Variants in TRAF3 observed in about 807,000 individuals in gnomAD.
TRAF3 encodes the protein TNF receptor-associated factor 3.
TRAF3 carries 13 observed loss-of-function variants against 62.3 expected under a neutral mutation model. The ratio of observed to expected loss-of-function variants is 0.21; its 90% CI spans 0.14 to 0.33. The LOEUF (loss-of-function observed/expected upper bound fraction) is 0.33. TRAF3 is among the 10% of genes least tolerant of loss of function. TRAF3 has a pLI of 1.00. For missense variants in TRAF3, 440 were observed against 741.8 expected (o/e 0.59, Z 4.73); for synonymous variants, 269 against 283.4 (o/e 0.95, Z 0.51).
chr14:102,795,881 A>G (rs1314397622), intron 1 of TRAF3, among the ~76,000 whole-genome samples: 2 of 152,182 alleles, frequency 1.3e-5, no homozygotes, highest in Non-Finnish European at 2.9e-5. Context: ...AAACATTTCT[A>G]GATGATTGTA....
At chr14:102,824,613 G>A (rs894140555) in intron 1 of TRAF3, among the ~76,000 whole-genome samples, 2 of 152,212 alleles carry the variant, frequency 1.3e-5, no homozygotes, top group African/African-American at 4.8e-5. Flanking sequence ...AGATAGTAGG[G>A]TTGCCCTTTA....
chr14:102,890,666 A>G (rs1262340124), intron 8 of TRAF3, among the ~76,000 whole-genome samples: 1 of 152,244 alleles, frequency 6.6e-6, no homozygotes, highest in African/African-American at 2.4e-5. Flanking sequence ...TATATTTCAG[A>G]CAAATTATTT....
chr14:102,870,345 G>T lies in TRAF3; in HGVS notation c.144G>T (p.Glu48Asp). ...AGGAAAAGTTTGTGAAGACCGTGGAGGACAAGTACAAGTGTGAGAAGTGCC... is the reference window on the plus strand; with the variant it reads ...AGGAAAAGTTTGTGAAGACCGTGGATGACAAGTACAAGTGTGAGAAGTGCC... Reference protein sequence around the residue: ...GYKEKFVKTVEDKYKCEKCHL... With the variant: ...GYKEKFVKTVDDKYKCEKCHL... Residue 48 changes from glutamate (E) to aspartate (D), a missense_variant, in exon 3 of 12, where the codon GAG becomes GAT. Physicochemically the swap from Glu to Asp is conservative, Grantham distance 45 (BLOSUM62 2). Transcript: ENST00000392745. The T allele has an allele frequency of 6.2e-7, 1 of 1,614,232 alleles. No homozygotes were observed. The highest frequency in any genetic ancestry group is 1.1e-5 in the South Asian group (1 of 91,090).
At chr14:102,814,320 G>GTCGTACCA (rs1899382221) in intron 1 of TRAF3, among the ~76,000 whole-genome samples, 1 of 151,892 alleles carries the variant, frequency 6.6e-6, no homozygotes, top group African/African-American at 2.4e-5. Context: ...GACCAGTACC[G>GTCGTACCA]TGTCGTTTTG....
intron 2 of TRAF3, among the ~76,000 whole-genome samples, chr14:102,857,395 T>C (rs1379680682): frequency 6.6e-6 from 1 of 152,238 alleles, no homozygotes; most frequent in African/African-American, 2.4e-5. Context: ...CTGATTTGCT[T>C]TATTATACTT....
chr14:102,817,350 G>A (rs1899598953), intron 1 of TRAF3, among the ~76,000 whole-genome samples: 1 of 152,092 alleles, frequency 6.6e-6, no homozygotes, highest in Non-Finnish European at 1.5e-5. Flanking sequence ...GGGGAGAATG[G>A]GATGTGTGTG....
chr14:102,784,618 G>C (rs1897409265), intron 1 of TRAF3, among the ~76,000 whole-genome samples: 1 of 152,154 alleles, frequency 6.6e-6, no homozygotes, highest in Non-Finnish European at 1.5e-5. Flanking sequence ...GGCTATGCTC[G>C]TTGCTAAAGC....
At chr14:102,877,076 G>A (rs577694121) in intron 6 of TRAF3, among the ~76,000 whole-genome samples, 16 of 144,290 alleles carry the variant, frequency 1.1e-4, no homozygotes, top group Admixed American at 2.1e-4. Context: ...TAGATAATCC[G>A]TTCCACAGAC....
At chr14:102,825,373 AATTG>A (rs1264070752) in intron 1 of TRAF3, among the ~76,000 whole-genome samples, 1 of 152,126 alleles carries the variant, frequency 6.6e-6, no homozygotes, top group African/African-American at 2.4e-5. Flanking sequence ...CAGATGGTCG[AATTG>A]AGAGGCAGTT....
At chr14:102,819,819 T>A (rs1450410464) in intron 1 of TRAF3, among the ~76,000 whole-genome samples, 1 of 152,214 alleles carries the variant, frequency 6.6e-6, no homozygotes, top group Non-Finnish European at 1.5e-5. Flanking sequence ...ATATTCACAC[T>A]AAGTGGGACA....
At chr14:102,863,499 A>G (rs147297419) in intron 2 of TRAF3, among the ~76,000 whole-genome samples, 2,825 of 152,288 alleles carry the variant, frequency 0.019, 37 homozygotes, top group Non-Finnish European at 0.031. Context: ...CAGGCATTTG[A>G]CGGTGATCCC....
chr14:102,891,210 G>A lies in TRAF3; in HGVS notation c.727-115G>A, dbSNP rs1025655761. On this transcript the variant is annotated intron_variant, in intron 8 of 11. Transcript: ENST00000392745. Reference sequence around the variant, plus strand: ...CGCAGAGATTCCCTGTTCACTTGACGCAAATAGGTCTCCCCTCTTTGTGTT... The same window carrying A: ...CGCAGAGATTCCCTGTTCACTTGACACAAATAGGTCTCCCCTCTTTGTGTT... 8.5e-5 allele frequency: 83 copies of A among 971,868 alleles called. No homozygotes were observed. In the South Asian group the frequency reaches 1.0e-3, roughly 12 times the overall value. The allele number at this position is 971,868 out of a possible 1,614,324, so 60.2% of individuals were successfully genotyped here. A position where few individuals can be genotyped will look rare whatever the true frequency, so the allele number is the denominator to read the frequency against.
chr14:102,872,790 C>A (rs1284610423), intron 4 of TRAF3, among the ~76,000 whole-genome samples: 1 of 151,844 alleles, frequency 6.6e-6, no homozygotes, highest in Non-Finnish European at 1.5e-5. Context: ...CTCCCAGGTT[C>A]AAGCAATTCT....
chr14:102,819,483 A>G (rs143880632), intron 1 of TRAF3, among the ~76,000 whole-genome samples: 1 of 152,340 alleles, frequency 6.6e-6, no homozygotes, highest in East Asian at 1.9e-4. Context: ...ATGTGTGCAC[A>G]TCGCTCAGCA....
chr14:102,778,867 C>T (rs1048390371), intron 1 of TRAF3, among the ~76,000 whole-genome samples: 2 of 152,162 alleles, frequency 1.3e-5, no homozygotes, highest in African/African-American at 4.8e-5. Flanking sequence ...ATGTCTCTCA[C>T]GTCTTTGAAA....
At position 102,903,222 on chromosome 14, in the gene TRAF3, G is replaced by T. The variant is rs1475268292; in HGVS notation, c.961-33G>T. The T allele has an allele frequency of 6.2e-7, 1 of 1,614,128 alleles. No homozygotes were observed. The highest frequency in any genetic ancestry group is 8.5e-7 in the Non-Finnish European group (1 of 1,179,996). ...GTGCAGCATTTTCCGAGTCCTAACT[G>T]TGTTTTGCTTTTTAACACCTTTGGT... On this transcript the variant is annotated intron_variant, in intron 10 of 11. Transcript: ENST00000392745. The surrounding 1 kb of genome is among the most constrained non-coding windows in gnomAD (Gnocchi z 6.4).
intron 1 of TRAF3, among the ~76,000 whole-genome samples, chr14:102,781,127 C>T (rs1419821992): frequency 6.6e-6 from 1 of 152,178 alleles, no homozygotes; most frequent in Admixed American, 6.5e-5. Context: ...AGTTGAGGCC[C>T]AGTGTCAGGA....
chr14:102,903,048 TC>T lies in TRAF3; in HGVS notation c.961-204del, dbSNP rs766048263. The T allele has an allele frequency of 2.2e-5, 15 of 686,314 alleles. No individual in the cohort carries two copies. Among genetic ancestry groups the T allele is most frequent in the Non-Finnish European group, 2.9e-5 (11 of 383,152 alleles). The allele number at this position is 686,314 out of a possible 1,614,324, so 42.5% of individuals were successfully genotyped here. On this transcript the variant is annotated intron_variant, in intron 10 of 11. Coordinates refer to ENST00000392745, the MANE Select transcript of TRAF3 (RefSeq NM_145725.3). This position sits in a 1 kb window ranked among gnomAD's most constrained non-coding sequence, Gnocchi z 6.4. ...TGTGGCTTCATGTCACCTCGAGTGC[TC>T]CCTGCCGGCACAAGCACTTGATCCC...
At chr14:102,813,594 G>A (rs894592288) in intron 1 of TRAF3, among the ~76,000 whole-genome samples, 9 of 151,854 alleles carry the variant, frequency 5.9e-5, no homozygotes, top group Non-Finnish European at 1.0e-4. Context: ...GGGACTACAG[G>A]CGCACACCAC....
Sources: gnomAD v4.1 joint callset for allele counts (sites outside exome capture counted in the v4.1 genomes callset) on GRCh38, gnomAD v4.1.1 for gene constraint, Gnocchi (gnomAD v3.1) non-coding constraint, MANE v1.5 for transcripts, NCBI Gene and HGNC (gene_info 2026-07-23, HGNC 2026-07-21) for gene names.